Variants in PKP2 observed in about 807,000 individuals in gnomAD.
The protein encoded by PKP2 is plakophilin-2.
In PKP2, 73 loss-of-function variants were observed where a neutral mutation model predicts 83.4. That is an observed-to-expected ratio of 0.88 (90% CI 0.72 to 1.06). The LOEUF (loss-of-function observed/expected upper bound fraction) is 1.06. Ranked by LOEUF, PKP2 falls within the 50% of genes least tolerant of loss-of-function variation. The probability of loss-of-function intolerance (pLI) is 0.00; values close to 1 mark genes in which losing one functional copy is unlikely to be tolerated. For missense variants in PKP2, 966 were observed against 1,065.4 expected (o/e 0.91, Z 1.30); for synonymous variants, 409 against 430.4 (o/e 0.95, Z 0.62).
chr12:32,883,839 A>G (rs896940915), intron 1 of PKP2, among the ~76,000 whole-genome samples: 12 of 152,176 alleles, frequency 7.9e-5, no homozygotes, highest in African/African-American at 2.9e-4. Flanking sequence ...AACGCTTTCA[A>G]AATTGTGAAG....
At chr12:32,793,112 G>C (rs1180362317) in intron 11 of PKP2, among the ~76,000 whole-genome samples, 1 of 151,966 alleles carries the variant, frequency 6.6e-6, no homozygotes, top group Non-Finnish European at 1.5e-5. Context: ...GTGGCAGTGT[G>C]TGCCTGTAAT....
chr12:32,839,217 G>A (rs1956567515), intron 6 of PKP2, among the ~76,000 whole-genome samples: 1 of 151,842 alleles, frequency 6.6e-6, no homozygotes, highest in Non-Finnish European at 1.5e-5. Context: ...TTTTCTTATG[G>A]TAACAGATTT....
At chr12:32,890,952 C>CAAAAAAAAAA (rs56900611) in intron 1 of PKP2, among the ~76,000 whole-genome samples, 1 of 70,252 alleles carries the variant, frequency 1.4e-5, no homozygotes, top group Non-Finnish European at 3.2e-5. Context: ...AAGAGCGAAA[C>CAAAAAAAAAA]AAAAAAAAAA....
In PKP2 at chr12:32,821,346, CA is replaced by C; in HGVS notation, c.2013+9del. 1 of 1,612,582 alleles carries C rather than the reference CA, an allele frequency of 6.2e-7. No homozygotes were observed. Among genetic ancestry groups the C allele is most frequent in the Non-Finnish European group, 8.5e-7 (1 of 1,178,712 alleles). The stretch of plus-strand genomic sequence containing the variant: ...ATTTTAAAAAGTAGGAAATCAGGCC[CA>C]ATACTCACTGGTCCACTTCCGGCCG... On this transcript the variant is annotated intron_variant, in intron 9 of 12. Coordinates refer to ENST00000340811, the MANE Select transcript of PKP2 (RefSeq NM_001005242.3).
chr12:32,797,773 A>G lies in PKP2; in HGVS notation c.2168-1475T>C, dbSNP rs529695311. The stretch of plus-strand genomic sequence containing the variant: ...GGGTTTCACCTTGTTAGCCAGGATG[A>G]TCTTGATCTCCTGATCTTGTGATCC... On this transcript the variant is annotated intron_variant, in intron 10 of 12. Transcript: ENST00000340811. Among the ~76,000 whole-genome samples, 659 of 151,788 alleles carry G rather than the reference A, an allele frequency of 4.3e-3. 8 individuals carry two copies. Among genetic ancestry groups the G allele is most frequent in the African/African-American group, 0.015 (611 of 41,450 alleles).
In PKP2 at chr12:32,806,686, T is replaced by TTGTGTGTGTGTGTGTGTGTGTGTGTGTG. The variant is rs140484431; in HGVS notation, c.2014-4131_2014-4130insCACACACACACACACACACACACACACA. 2.1e-3 allele frequency among the ~76,000 whole-genome samples: 314 copies of TTGTGTGTGTGTGTGTGTGTGTGTGTGTG among 149,698 alleles called. 1 individual carries two copies. Among genetic ancestry groups the TTGTGTGTGTGTGTGTGTGTGTGTGTGTG allele is most frequent in the East Asian group, 7.3e-3 (36 of 4,952 alleles). The stretch of plus-strand genomic sequence containing the variant: ...TGAATTTGTTGATTTTTTGAAGGGT[T>TTGTGTGTGTGTGTGTGTGTGTGTGTGTG]TGTGTGTGTGTGTGTGTGTCTGTAT... On this transcript the variant is annotated intron_variant, in intron 9 of 12. Transcript: ENST00000340811.
At chr12:32,834,923 G>A (rs1445438765) in intron 6 of PKP2, among the ~76,000 whole-genome samples, 1 of 146,008 alleles carries the variant, frequency 6.8e-6, no homozygotes, top group African/African-American at 2.5e-5. Flanking sequence ...GATACTATGA[G>A]CCACAGTATA....
intron 6 of PKP2, among the ~76,000 whole-genome samples, chr12:32,840,210 C>T (rs1178387860): frequency 6.6e-6 from 1 of 152,220 alleles, no homozygotes; most frequent in Non-Finnish European, 1.5e-5. Context: ...GCTTTGAGAA[C>T]TGCTGCTCTA....
intron 3 of PKP2, among the ~76,000 whole-genome samples, chr12:32,870,367 CT>C (rs1219136465): frequency 6.6e-6 from 1 of 152,024 alleles, no homozygotes; most frequent in Non-Finnish European, 1.5e-5. Context: ...CTAATACCCC[CT>C]GCTTCTGAAA....
Position 32,791,155 on chromosome 12 carries a change from A to G in PKP2, c.*1269T>C, listed in dbSNP as rs1044529203. 1 of 152,236 alleles carries G rather than the reference A, an allele frequency of 6.6e-6. No individual in the cohort carries two copies. The highest frequency in any genetic ancestry group is 1.5e-5 in the Non-Finnish European group (1 of 68,052). 9.4% of individuals were successfully genotyped at this position (152,236 alleles called of 1,614,324 possible). On this transcript the variant is annotated 3_prime_UTR_variant, in exon 13 of 13. Coordinates refer to ENST00000340811, the MANE Select transcript of PKP2 (RefSeq NM_001005242.3). The stretch of plus-strand genomic sequence containing the variant: ...AATAGTAGTTGTAAAGACTAACTCT[A>G]TATGAATGGTTTTAATCATAGCGCA...
chr12:32,869,934 T>G (rs1592759553), intron 3 of PKP2, among the ~76,000 whole-genome samples: 1 of 152,120 alleles, frequency 6.6e-6, no homozygotes, highest in Non-Finnish European at 1.5e-5. Flanking sequence ...AAGGCTGAGG[T>G]GGGAGGATCG....
At chr12:32,800,309 T>A (rs1340028513) in intron 10 of PKP2, among the ~76,000 whole-genome samples, 2 of 152,220 alleles carry the variant, frequency 1.3e-5, no homozygotes, top group Non-Finnish European at 2.9e-5. Context: ...GCCAATTATC[T>A]TACTTATTTC....
chr12:32,833,599 C>T (rs1464757220), intron 6 of PKP2, among the ~76,000 whole-genome samples: 1 of 151,920 alleles, frequency 6.6e-6, no homozygotes, highest in Non-Finnish European at 1.5e-5. Context: ...GTGTAAGAGA[C>T]AATGAAAATT....
At chr12:32,846,720 G>C (rs1014601962) in intron 5 of PKP2, among the ~76,000 whole-genome samples, 9 of 128,750 alleles carry the variant, frequency 7.0e-5, no homozygotes, top group African/African-American at 3.0e-4. Flanking sequence ...ACTCCAGCCT[G>C]GGTAACAAGA....
chr12:32,822,299 G>A (rs1038660308), intron 8 of PKP2, among the ~76,000 whole-genome samples, 168 bp downstream of exon 8: 30 of 152,098 alleles, frequency 2.0e-4, no homozygotes, highest in African/African-American at 6.7e-4. Context: ...TTTCCTCACT[G>A]GTAAATGAGG....
At position 32,846,153 on chromosome 12, in the gene PKP2, G is replaced by A. The variant is rs146173839; in HGVS notation, c.1378+4613C>T. Among the ~76,000 whole-genome samples the A allele has an allele frequency of 1.1e-3, 164 of 152,204 alleles. No individual in the cohort carries two copies. In the East Asian group the frequency reaches 0.027, roughly 25 times the overall value. ...TAATGAAAGAGGGATAAGAACCCCTGCTGCACTCTTATCATGACTTGTCCG... is the reference window on the plus strand; with the variant it reads ...TAATGAAAGAGGGATAAGAACCCCTACTGCACTCTTATCATGACTTGTCCG... On this transcript the variant is annotated intron_variant, in intron 5 of 12. Coordinates refer to ENST00000340811, the MANE Select transcript of PKP2 (RefSeq NM_001005242.3).
chr12:32,858,104 T>A (rs1419743327), intron 4 of PKP2, among the ~76,000 whole-genome samples: 7 of 83,884 alleles, frequency 8.3e-5, no homozygotes, highest in Non-Finnish European at 1.3e-4. Context: ...TATATATATA[T>A]ATATATATAT....
intron 1 of PKP2, among the ~76,000 whole-genome samples, chr12:32,892,821 G>GT (rs1164717238): frequency 8.8e-6 from 1 of 113,336 alleles, no homozygotes; most frequent in African/African-American, 3.0e-5. Flanking sequence ...GTGGGGGCGG[G>GT]GGGGGGGGGA....
intron 4 of PKP2, among the ~76,000 whole-genome samples, chr12:32,853,508 C>CTTT (rs71447625): frequency 4.3e-5 from 6 of 138,152 alleles, no homozygotes; most frequent in South Asian, 2.3e-4. Context: ...TAAATTCATA[C>CTTT]TTTTTTTTTT....
Sources: gnomAD v4.1 joint callset for allele counts (sites outside exome capture counted in the v4.1 genomes callset) on GRCh38, gnomAD v4.1.1 for gene constraint, MANE v1.5 for transcripts, NCBI Gene and HGNC (gene_info 2026-07-23, HGNC 2026-07-21) for gene names.